Variants in SSU72 observed in about 807,000 individuals in gnomAD.
The protein encoded by SSU72 is RNA polymerase II subunit A C-terminal domain phosphatase SSU72.
A neutral mutation model predicts 22.7 loss-of-function variants in SSU72; 12 were observed. That is an observed-to-expected ratio of 0.53 (90% CI 0.34 to 0.86). SSU72 has a LOEUF of 0.86. Ranked by LOEUF, SSU72 falls within the 40% of genes least tolerant of loss-of-function variation. The pLI, the probability that SSU72 is intolerant of heterozygous loss-of-function variation, is 0.02. For missense variants in SSU72, 151 were observed against 249.8 expected (o/e 0.60, Z 2.67); for synonymous variants, 116 against 98.3 (o/e 1.18, Z -1.06).
At chr1:1,553,962 C>G (rs1251466163) in intron 2 of SSU72, among the ~76,000 whole-genome samples, 5 of 152,180 alleles carry the variant, frequency 3.3e-5, no homozygotes, top group Non-Finnish European at 7.3e-5. Flanking sequence ...TGGACTGTCT[C>G]AAGCAGGGAT....
chr1:1,558,975 T>C (rs3118509), intron 2 of SSU72, among the ~76,000 whole-genome samples: 150,389 of 152,332 alleles, frequency 0.99, 74,263 homozygotes, highest in East Asian at 1. Context: ...GAAAAAATCC[T>C]GCAAGAAAGC....
chr1:1,543,758 G>T (rs879129818), intron 4 of SSU72, 111 bp downstream of exon 4: 17 of 683,548 alleles, frequency 2.5e-5, no homozygotes, highest in Admixed American at 9.4e-5. Flanking sequence ...CCTCTGTCAC[G>T]GCCTCGGCCA....
intron 1 of SSU72, among the ~76,000 whole-genome samples, chr1:1,565,479 G>A (rs367603931): frequency 2.6e-4 from 40 of 152,360 alleles, no homozygotes; most frequent in African/African-American, 9.4e-4. Context: ...TGGACTTGGG[G>A]AAGATTTCAT....
intron 2 of SSU72, among the ~76,000 whole-genome samples, chr1:1,551,310 G>A (rs1006158873): frequency 6.6e-6 from 1 of 152,206 alleles, no homozygotes; most frequent in Non-Finnish European, 1.5e-5. Flanking sequence ...GACACTCAGT[G>A]TGTGGCCCAC....
At chr1:1,545,243 A>C in intron 2 of SSU72, 1 of 512,294 alleles carries the variant, frequency 2.0e-6, no homozygotes, top group Non-Finnish European at 3.5e-6. Context: ...CAACTCGGCA[A>C]AAAGACCCAA....
chr1:1,554,365 G>C lies in SSU72; in HGVS notation c.225-9363C>G, dbSNP rs1420477907. Among the ~76,000 whole-genome samples, 12 of 152,008 alleles carry C rather than the reference G, an allele frequency of 7.9e-5. No individual in the cohort carries two copies. The highest frequency in any genetic ancestry group is 7.2e-4 in the Admixed American group (11 of 15,274). On this transcript the variant is annotated intron_variant, in intron 2 of 4. Transcript: ENST00000291386. The surrounding 1 kb of genome is among the most constrained non-coding windows in gnomAD (Gnocchi z 4.1). ...CGGACCACTCGGGGGTCCCCACGAA[G>C]CTGAGCATGAGGCGGATCCGGCCCA...
intron 1 of SSU72, among the ~76,000 whole-genome samples, chr1:1,571,614 C>T (rs1467387015): frequency 6.6e-6 from 1 of 152,090 alleles, no homozygotes; most frequent in East Asian, 1.9e-4. Flanking sequence ...CCCAAGAATT[C>T]ATTATTCAGA....
intron 4 of SSU72, 199 bp downstream of exon 4, chr1:1,543,669 CA>C: frequency 2.3e-5 from 13 of 577,350 alleles, no homozygotes; most frequent in South Asian, 5.6e-5. Flanking sequence ...CGGCCTCGGC[CA>C]CTCCCCACTG....
intron 1 of SSU72, among the ~76,000 whole-genome samples, chr1:1,572,860 TAAC>T (rs1421110452): frequency 9.1e-6 from 1 of 109,922 alleles, no homozygotes; most frequent in Non-Finnish European, 1.8e-5. Context: ...TTATTCCAAT[TAAC>T]AATAATTTTG....
At chr1:1,543,363 G>C (rs995079133) in intron 4 of SSU72, among the ~76,000 whole-genome samples, 4 of 152,226 alleles carry the variant, frequency 2.6e-5, no homozygotes, top group Non-Finnish European at 4.4e-5. Context: ...TGTCCGCCAC[G>C]GGGAAGAGAC....
chr1:1,567,682 C>G (rs373280934), intron 1 of SSU72, among the ~76,000 whole-genome samples: 1 of 152,022 alleles, frequency 6.6e-6, no homozygotes, highest in Non-Finnish European at 1.5e-5. Flanking sequence ...AAACAAGGGC[C>G]GGACGCGGTG....
chr1:1,544,153 G>A (rs1024251688), intron 3 of SSU72, among the ~76,000 whole-genome samples, 166 bp from the exon 4 acceptor site: 21 of 152,336 alleles, frequency 1.4e-4, no homozygotes, highest in African/African-American at 4.3e-4. Context: ...AACCGAAGGC[G>A]GCTGATGGTT....
At chr1:1,545,399 G>A (rs1282842073) in intron 2 of SSU72, 5 of 216,352 alleles carry the variant, frequency 2.3e-5, no homozygotes, top group Non-Finnish European at 3.7e-5. Flanking sequence ...TGCTCCCTGT[G>A]CAGTGCATGC....
At chr1:1,574,157 G>A (rs778591822) in intron 1 of SSU72, among the ~76,000 whole-genome samples, 9 of 152,078 alleles carry the variant, frequency 5.9e-5, no homozygotes, top group Middle Eastern at 3.2e-3. Flanking sequence ...GGCCAACGAC[G>A]CACACGAAAT....
At position 1,565,467 on chromosome 1, in the gene SSU72, T is replaced by C. The variant is rs1363743672; in HGVS notation, c.81-551A>G. On this transcript the variant is annotated intron_variant, in intron 1 of 4. Transcript: ENST00000291386. Reference sequence around the variant, plus strand: ...ACTTTAAACTGAAAGGACTGACTGATGTGGACTTGGGGAAGATTTCATCAG... The same window carrying C: ...ACTTTAAACTGAAAGGACTGACTGACGTGGACTTGGGGAAGATTTCATCAG... Among the ~76,000 whole-genome samples, 3 of 152,224 alleles carry C rather than the reference T, an allele frequency of 2.0e-5. No individual in the cohort carries two copies. The East Asian group carries it at 5.8e-4, about 29-fold the overall frequency.
chr1:1,547,229 G>A (rs956271540), intron 2 of SSU72, among the ~76,000 whole-genome samples: 23 of 152,138 alleles, frequency 1.5e-4, no homozygotes, highest in Admixed American at 5.9e-4. Flanking sequence ...GTGAGGCCGT[G>A]GGGGCTCCTG....
chr1:1,566,094 T>C (rs1288007085), intron 1 of SSU72, among the ~76,000 whole-genome samples: 6 of 148,358 alleles, frequency 4.0e-5, no homozygotes, highest in African/African-American at 1.5e-4. Flanking sequence ...CAGCTCCGTT[T>C]CTACTAAAAA....
intron 2 of SSU72, among the ~76,000 whole-genome samples, chr1:1,560,314 C>CT (rs1642572900): frequency 6.6e-6 from 1 of 152,070 alleles, no homozygotes; most frequent in Admixed American, 6.5e-5. Flanking sequence ...CCCACCACAT[C>CT]TGTGTGTTTT....
intron 1 of SSU72, among the ~76,000 whole-genome samples, chr1:1,573,252 T>C (rs1642756600): frequency 7.8e-6 from 1 of 128,236 alleles, no homozygotes; most frequent in African/African-American, 3.5e-5. Context: ...AAACTCCGTC[T>C]CTACTAAAAA....
Sources: allele counts gnomAD v4.1 joint callset (sites outside exome capture counted in the v4.1 genomes callset), GRCh38; gene constraint gnomAD v4.1.1; non-coding constraint Gnocchi (gnomAD v3.1); transcripts MANE v1.5; gene names NCBI Gene and HGNC (gene_info 2026-07-23, HGNC 2026-07-21).